PLEKHG1: variants seen among roughly 807,000 people sequenced by gnomAD.
PLEKHG1 encodes the protein pleckstrin homology domain-containing family G member 1.
In PLEKHG1, 44 loss-of-function variants were observed where a neutral mutation model predicts 100.8. The ratio of observed to expected loss-of-function variants is 0.44; its 90% CI spans 0.34 to 0.56. The LOEUF (loss-of-function observed/expected upper bound fraction) is 0.56. Ranked by LOEUF, PLEKHG1 falls within the 20% of genes least tolerant of loss-of-function variation. The pLI is 0.01. For missense variants in PLEKHG1, 1,545 were observed against 1,720.9 expected (o/e 0.90, Z 1.81); for synonymous variants, 640 against 662.5 (o/e 0.97, Z 0.52).
At chr6:150,814,176 C>T (rs1787721094) in intron 10 of PLEKHG1, among the ~76,000 whole-genome samples, 1 of 152,146 alleles carries the variant, frequency 6.6e-6, no homozygotes, top group African/African-American at 2.4e-5. Context: ...TATGATTAGT[C>T]ATTTTGTTGC....
intron 3 of PLEKHG1, among the ~76,000 whole-genome samples, chr6:150,697,108 A>AAAAAAAGAAG (rs71270304): frequency 1.4e-5 from 2 of 147,230 alleles, no homozygotes; most frequent in Admixed American, 6.7e-5. Flanking sequence ...AGAAAAAAAA[A>AAAAAAAGAAG]AAGAAGAAGA....
rs1158745352 is a variant in PLEKHG1, at chr6:150,831,920, G to A, written c.2809G>A (p.Ala937Thr). The change falls in exon 15 of 16, where the codon GCT (alanine) becomes ACT (threonine). Residue 937 changes from alanine to threonine, a missense_variant. Transcript: ENST00000358517. The surrounding 1 kb of genome is among the most constrained non-coding windows in gnomAD (Gnocchi z 4.1). Reference sequence around the variant, plus strand: ...TATGAGCCTTAACCGGCTTTCTCTGGCTAGTGAAATGCCCCTCATGGACAA... The same window carrying A: ...TATGAGCCTTAACCGGCTTTCTCTGACTAGTGAAATGCCCCTCATGGACAA... 1.9e-6 allele frequency: 3 copies of A among 1,613,890 alleles called. No homozygotes were observed. In the African/African-American group the frequency reaches 4.0e-5, roughly 22 times the overall value.
rs547545673 is a variant in PLEKHG1, at chr6:150,640,286, G to A, written c.-158+2161G>A. ...AATTTTCCCAACTCTTCCCAAATGC[G>A]CAGGCTTGCCCAACTTTTTCAGAAG... On this transcript the variant is annotated intron_variant, in intron 2 of 3. Coordinates refer to the PLEKHG1 transcript ENST00000367326. Among the ~76,000 whole-genome samples the A allele has an allele frequency of 1.3e-4, 20 of 152,250 alleles. No homozygotes were observed. The South Asian group carries it at 3.5e-3, about 27-fold the overall frequency.
intron 3 of PLEKHG1, among the ~76,000 whole-genome samples, chr6:150,705,600 A>G (rs1462417542): frequency 6.6e-6 from 1 of 152,234 alleles, no homozygotes. Flanking sequence ...AGACTTGCTC[A>G]ATCCACCTCC....
At position 150,821,232 on chromosome 6, in the gene PLEKHG1, T is replaced by C. The variant is rs760729587; in HGVS notation, c.1446T>C (p.Ser482=). Residue 482 remains serine (S), a splice_region_variant and synonymous_variant, in exon 13 of 16, where the codon AGT becomes AGC. Transcript: ENST00000358517. ...GGTCACATAAAGTTTTGAAGACCAGTGGTAAGTCGTAAAATATATTTTCCT... is the reference window on the plus strand; with the variant it reads ...GGTCACATAAAGTTTTGAAGACCAGCGGTAAGTCGTAAAATATATTTTCCT... 7.5e-6 allele frequency: 12 copies of C among 1,603,754 alleles called. No homozygotes were observed. In the South Asian group the frequency reaches 1.1e-4, roughly 15 times the overall value.
Position 150,661,804 on chromosome 6 carries a change from A to G in PLEKHG1, c.-99+11018A>G, listed in dbSNP as rs577913514. Among the ~76,000 whole-genome samples the G allele has an allele frequency of 2.0e-5, 3 of 152,354 alleles. No homozygotes were observed. The East Asian group carries it at 5.8e-4, about 29-fold the overall frequency. On this transcript the variant is annotated intron_variant, in intron 3 of 3. Coordinates refer to the PLEKHG1 transcript ENST00000367326. ...AATGATTCAGGGGAGCTTCATGTGT[A>G]TATCAGAGCAATAACAGAAGCACCT...
chr6:150,806,451 G>A lies in PLEKHG1; in HGVS notation c.912+1710G>A, dbSNP rs550170260. Among the ~76,000 whole-genome samples the A allele has an allele frequency of 1.6e-4, 25 of 151,998 alleles. No individual in the cohort carries two copies. The Middle Eastern group carries it at 0.014, about 83-fold the overall frequency. ...TGTAATCCCTACACTTTGGGAGGCC[G>A]AGGCAGGCGGATCACTTGATGTCAG... On this transcript the variant is annotated intron_variant, in intron 7 of 15. Transcript: ENST00000358517.
intron 9 of PLEKHG1, 67 bp from the exon 11 acceptor site, chr6:150,809,581 A>G: frequency 6.7e-7 from 1 of 1,503,580 alleles, no homozygotes. Flanking sequence ...GTCATTTCCC[A>G]TCTCATCAGA....
At chr6:150,666,971 G>T (rs1437536550) in intron 3 of PLEKHG1, among the ~76,000 whole-genome samples, 3 of 152,058 alleles carry the variant, frequency 2.0e-5, no homozygotes, top group Non-Finnish European at 4.4e-5. Flanking sequence ...CGTTAGCCAG[G>T]ATGGTCTCGA....
At chr6:150,603,864 G>A (rs979054231) in intron 1 of PLEKHG1, among the ~76,000 whole-genome samples, 3 of 152,164 alleles carry the variant, frequency 2.0e-5, no homozygotes, top group Admixed American at 6.5e-5. Flanking sequence ...TGGTCCTAGA[G>A]GGAAGGCAAT....
intron 3 of PLEKHG1, among the ~76,000 whole-genome samples, chr6:150,671,324 A>G (rs981680982): frequency 2.6e-5 from 4 of 152,310 alleles, no homozygotes; most frequent in East Asian, 3.9e-4. Context: ...AGTATTTTCA[A>G]TAGTGGCTGT....
chr6:150,687,367 G>A (rs1269976870), intron 3 of PLEKHG1, among the ~76,000 whole-genome samples: 1 of 152,126 alleles, frequency 6.6e-6, no homozygotes, highest in Non-Finnish European at 1.5e-5. Flanking sequence ...TATTATGTCT[G>A]GAATGGGAGA....
intron 2 of PLEKHG1, among the ~76,000 whole-genome samples, chr6:150,745,337 G>A (rs775734063): frequency 3.3e-5 from 5 of 152,176 alleles, no homozygotes; most frequent in Non-Finnish European, 4.4e-5. Flanking sequence ...TGACCAAAAC[G>A]TCGTTTTGTG....
At chr6:150,710,552 T>C (rs1047647057) in intron 3 of PLEKHG1, among the ~76,000 whole-genome samples, 2 of 152,092 alleles carry the variant, frequency 1.3e-5, no homozygotes, top group South Asian at 2.1e-4. Flanking sequence ...AGAAGACTGA[T>C]ACATGCAGGT....
At chr6:150,678,990 G>A (rs1381878787) in intron 3 of PLEKHG1, among the ~76,000 whole-genome samples, 2 of 152,078 alleles carry the variant, frequency 1.3e-5, no homozygotes, top group South Asian at 4.1e-4. Context: ...AACTTTCATT[G>A]CTGAGAAAAT....
chr6:150,824,874 G>C (rs915508737), intron 14 of PLEKHG1, among the ~76,000 whole-genome samples: 1 of 152,050 alleles, frequency 6.6e-6, no homozygotes, highest in African/African-American at 2.4e-5. Flanking sequence ...TGAGGTGTGC[G>C]CATTTTTTTT....
chr6:150,776,891 TACTC>T (rs1324539179), intron 3 of PLEKHG1, among the ~76,000 whole-genome samples: 2 of 148,614 alleles, frequency 1.3e-5, no homozygotes, highest in South Asian at 2.1e-4. Flanking sequence ...GGTTGCACAT[TACTC>T]ACACTGATGC....
At position 150,809,364 on chromosome 6, in the gene PLEKHG1, T is replaced by C; in HGVS notation, c.1096-17T>C. 6.2e-7 allele frequency: 1 copy of C among 1,612,324 alleles called. No individual in the cohort carries two copies. The stretch of plus-strand genomic sequence containing the variant: ...CCTCCTGAGTGTGCCTCACCCTCTC[T>C]GCTCTCTCTGCTCTAGTGTGGCAAC... On this transcript the variant is annotated splice_polypyrimidine_tract_variant and intron_variant, in intron 8 of 15. Transcript: ENST00000358517.
chr6:150,803,939 C>T (rs1786857345), intron 6 of PLEKHG1, among the ~76,000 whole-genome samples: 2 of 151,672 alleles, frequency 1.3e-5, no homozygotes, highest in South Asian at 2.1e-4. Context: ...AACTCCAGAG[C>T]TATAAGAGCA....
Sources: gnomAD v4.1 joint callset for allele counts (sites outside exome capture counted in the v4.1 genomes callset) on GRCh38, gnomAD v4.1.1 for gene constraint, Gnocchi (gnomAD v3.1) non-coding constraint, MANE v1.5 for transcripts, NCBI Gene and HGNC (gene_info 2026-07-23, HGNC 2026-07-21) for gene names.